Variants in KLHL32 observed in about 807,000 individuals in gnomAD.
KLHL32 encodes the protein kelch like family member 32, also known as kelch-like protein 32.
In KLHL32, 35 loss-of-function variants were observed where a neutral mutation model predicts 64.8. The ratio of observed to expected loss-of-function variants is 0.54; its 90% CI spans 0.41 to 0.72. KLHL32 has a LOEUF of 0.72. KLHL32 is among the 30% of genes least tolerant of loss of function. The pLI, the probability that KLHL32 is intolerant of heterozygous loss-of-function variation, is 0.00. For synonymous variants in KLHL32, 259 were observed against 281.0 expected, an observed-to-expected ratio of 0.92 and a Z score of 0.78; for missense variants, 589 against 768.5, an observed-to-expected ratio of 0.77 and a Z score of 2.76.
chr6:96,917,131 G>T, the KLHL32 span, among the ~76,000 whole-genome samples: 1 of 152,178 alleles, frequency 6.6e-6, no homozygotes, highest in Non-Finnish European at 1.5e-5. Context: ...AGATTCTTAT[G>T]TTGGAAATTA....
chr6:97,033,771 A>T (rs1359864065), intron 3 of KLHL32, among the ~76,000 whole-genome samples: 1 of 152,048 alleles, frequency 6.6e-6, no homozygotes, highest in Admixed American at 6.5e-5. Context: ...TTCCCTGATG[A>T]TTAGTGATGT....
chr6:96,922,758 C>G (rs1349627288), upstream of KLHL32, among the ~76,000 whole-genome samples: 3 of 152,162 alleles, frequency 2.0e-5, no homozygotes, highest in African/African-American at 7.2e-5. Context: ...GTGCCTAACA[C>G]CTAGTTGCTC....
At chr6:96,977,908 T>C (rs62413879) in intron 3 of KLHL32, among the ~76,000 whole-genome samples, 10,217 of 152,298 alleles carry the variant, frequency 0.067, 421 homozygotes, top group Middle Eastern at 0.15. Flanking sequence ...ATCTGTAAAG[T>C]GGCCTTTTAG....
At chr6:97,069,777 G>C (rs181730285) in intron 5 of KLHL32, among the ~76,000 whole-genome samples, 1 of 152,114 alleles carries the variant, frequency 6.6e-6, no homozygotes, top group African/African-American at 2.4e-5. Context: ...CCTTTCATTA[G>C]TTTTGCCCAC....
chr6:96,982,225 T>G (rs1455799732), intron 3 of KLHL32, among the ~76,000 whole-genome samples: 1 of 152,212 alleles, frequency 6.6e-6, no homozygotes, highest in Non-Finnish European at 1.5e-5. Flanking sequence ...TTTATTAATC[T>G]GAGTGCTCCT....
intron 3 of KLHL32, among the ~76,000 whole-genome samples, chr6:96,991,788 T>C (rs543918069): frequency 3.9e-4 from 60 of 152,110 alleles, no homozygotes; most frequent in African/African-American, 1.3e-3. Context: ...GCAGAGCTGC[T>C]ACCGCGGAGA....
At chr6:97,063,741 A>G (rs1026135220) in intron 4 of KLHL32, among the ~76,000 whole-genome samples, 6 of 152,208 alleles carry the variant, frequency 3.9e-5, no homozygotes, top group African/African-American at 1.4e-4. Context: ...TTGCAGTTTA[A>G]TAAGTTCCTA....
intron 6 of KLHL32, among the ~76,000 whole-genome samples, chr6:97,104,066 G>A (rs1004110343): frequency 2.6e-5 from 4 of 152,154 alleles, no homozygotes; most frequent in African/African-American, 9.7e-5. Context: ...GCTTACACTG[G>A]TGGCTGAATC....
At chr6:97,023,308 A>G (rs1403667228) in intron 3 of KLHL32, among the ~76,000 whole-genome samples, 1 of 152,216 alleles carries the variant, frequency 6.6e-6, no homozygotes, top group Non-Finnish European at 1.5e-5. Flanking sequence ...TTTGGATCAT[A>G]TTTTTTCAGC....
At chr6:96,943,036 TACACACACACAC>T (rs113696398) in intron 1 of KLHL32, among the ~76,000 whole-genome samples, 15 of 146,326 alleles carry the variant, frequency 1.0e-4, no homozygotes, top group Middle Eastern at 3.3e-3. Context: ...ATGCTCCCTC[TACACACACACAC>T]ACACACACAC....
chr6:97,105,313 C>T (rs1796257870), intron 6 of KLHL32: 2 of 390,902 alleles, frequency 5.1e-6, no homozygotes, highest in South Asian at 3.9e-5. Flanking sequence ...TCTATTAAAA[C>T]ACGCTTTCCT....
At chr6:97,050,841 A>T (rs1442927050) in intron 4 of KLHL32, among the ~76,000 whole-genome samples, 2 of 152,022 alleles carry the variant, frequency 1.3e-5, no homozygotes, top group African/African-American at 2.4e-5. Context: ...CATCTCTACT[A>T]AAAATAAAAA....
At chr6:96,967,530 T>A (rs1774600302) in intron 2 of KLHL32, among the ~76,000 whole-genome samples, 1 of 151,664 alleles carries the variant, frequency 6.6e-6, no homozygotes, top group African/African-American at 2.4e-5. Flanking sequence ...GGGAGAGCCC[T>A]CTCTAAGGCA....
At chr6:96,993,376 G>A (rs1052776409) in intron 3 of KLHL32, among the ~76,000 whole-genome samples, 3 of 152,134 alleles carry the variant, frequency 2.0e-5, no homozygotes, top group Non-Finnish European at 1.5e-5. Context: ...GGGAAGCTGG[G>A]CCATGTATTT....
intron 5 of KLHL32, among the ~76,000 whole-genome samples, chr6:97,083,103 T>C (rs1308747747): frequency 6.6e-6 from 1 of 152,092 alleles, no homozygotes; most frequent in Non-Finnish European, 1.5e-5. Flanking sequence ...AATTTGTACT[T>C]GGGGAAGGCT....
the KLHL32 span, among the ~76,000 whole-genome samples, chr6:96,898,720 A>T: frequency 6.6e-6 from 1 of 152,254 alleles, no homozygotes; most frequent in East Asian, 1.9e-4. Context: ...AAACAAAAAA[A>T]CGAGTGTTAC....
rs1406965571 is a variant in KLHL32 at position 97,139,315 on chromosome 6, T to C, written c.*33T>C. On this transcript the variant is annotated 3_prime_UTR_variant, in exon 11 of 11. Transcript: ENST00000369261. ...AGCCATCATGAACAGGAGGAAAACA[T>C]AGCTCTGACTGTTGGATACTGGGCA... is the stretch of plus-strand genomic sequence containing the variant. The C allele has an allele frequency of 1.3e-6, 2 of 1,574,742 alleles. No individual in the cohort carries two copies. The highest frequency in any genetic ancestry group is 1.7e-5 in the Admixed American group (1 of 57,702).
At chr6:97,007,331 T>A (rs1451651971) in intron 3 of KLHL32, among the ~76,000 whole-genome samples, 1 of 152,256 alleles carries the variant, frequency 6.6e-6, no homozygotes, top group African/African-American at 2.4e-5. Context: ...AGTGAGCTTT[T>A]CAGCTTTACC....
In KLHL32 at chr6:96,961,961, G is replaced by A. The variant is rs113859435; in HGVS notation, c.-65-5035G>A. The stretch of plus-strand genomic sequence containing the variant: ...TTTCTGAAAAATAACTATAAGCACC[G>A]TTACTACCGTGACCCATAGTCAGAG... On this transcript the variant is annotated intron_variant, in intron 1 of 10. Coordinates refer to ENST00000369261, the MANE Select transcript of KLHL32 (RefSeq NM_052904.4). Among the ~76,000 whole-genome samples, 314 of 152,254 alleles carry A rather than the reference G, an allele frequency of 2.1e-3. 3 individuals are homozygous for A. Among genetic ancestry groups the A allele is most frequent in the African/African-American group, 6.8e-3 (283 of 41,556 alleles).
Sources: gnomAD v4.1 joint callset for allele counts (sites outside exome capture counted in the v4.1 genomes callset) on GRCh38, gnomAD v4.1.1 for gene constraint, MANE v1.5 for transcripts, NCBI Gene and HGNC (gene_info 2026-07-23, HGNC 2026-07-21) for gene names.